Variants in PCCA observed in about 807,000 individuals in gnomAD.
PCCA encodes the protein propionyl-CoA carboxylase subunit alpha.
A neutral mutation model predicts 101.3 loss-of-function variants in PCCA; 74 were observed. The ratio of observed to expected loss-of-function variants is 0.73; its 90% CI spans 0.61 to 0.89. The LOEUF (loss-of-function observed/expected upper bound fraction) is 0.89. Among genes scored for constraint, PCCA ranks in the 40% least tolerant of loss-of-function variants. The pLI is 0.00. For synonymous variants in PCCA, 294 were observed against 313.6 expected, an observed-to-expected ratio of 0.94 and a Z score of 0.66; for missense variants, 891 against 907.0, an observed-to-expected ratio of 0.98 and a Z score of 0.23.
At chr13:100,173,245 G>A (rs1448506389) in intron 6 of PCCA, among the ~76,000 whole-genome samples, 1 of 152,206 alleles carries the variant, frequency 6.6e-6, no homozygotes, top group Non-Finnish European at 1.5e-5. Flanking sequence ...GGTGTCTACA[G>A]TGTGCTGGTT....
intron 8 of PCCA, among the ~76,000 whole-genome samples, chr13:100,247,634 C>T (rs979462305): frequency 6.6e-6 from 1 of 151,812 alleles, no homozygotes; most frequent in African/African-American, 2.4e-5. Flanking sequence ...CTGCCTCAGC[C>T]TCCCGAGTAG....
chr13:100,112,044 G>A lies in PCCA; in HGVS notation c.283G>A (p.Asp95Asn), dbSNP rs1555345639. 1 of 1,609,930 alleles carries A rather than the reference G, an allele frequency of 6.2e-7. No individual in the cohort carries two copies. Among genetic ancestry groups the A allele is most frequent in the East Asian group, 2.2e-5 (1 of 44,784 alleles). The change falls in exon 4 of 24, where the codon GAT becomes AAT. Residue 95 changes from aspartate (D) to asparagine (N), a missense_variant. Transcript: ENST00000376285. ...MGIKTVAIHSDVDASSVHVKM... is the reference protein window; with the variant it reads ...MGIKTVAIHSNVDASSVHVKM... ...CATTAAGACAGTTGCCATCCACAGT[G>A]ATGTTGATGCTAGTTCTGTAAGTAT... is the stretch of plus-strand genomic sequence containing the variant.
chr13:100,147,860 A>T (rs549285099), intron 4 of PCCA, among the ~76,000 whole-genome samples: 1 of 152,284 alleles, frequency 6.6e-6, no homozygotes, highest in African/African-American at 2.4e-5. Context: ...GGAAATTGTG[A>T]TGGATCTATA....
At chr13:100,521,322 G>C (rs1363607010) in intron 22 of PCCA, among the ~76,000 whole-genome samples, 1 of 152,208 alleles carries the variant, frequency 6.6e-6, no homozygotes, top group African/African-American at 2.4e-5. Flanking sequence ...CTGAAGTCCC[G>C]AGCCGGCAGC....
chr13:100,440,673 C>T (rs1566309672), intron 20 of PCCA, among the ~76,000 whole-genome samples: 1 of 150,940 alleles, frequency 6.6e-6, no homozygotes, highest in Non-Finnish European at 1.5e-5. Flanking sequence ...TAAAAATGTT[C>T]CCCCCACCCC....
intron 18 of PCCA, among the ~76,000 whole-genome samples, chr13:100,354,327 AAGAG>A (rs369368690): frequency 0.23 from 28,147 of 121,234 alleles, 4,061 homozygotes; most frequent in East Asian, 0.56. Context: ...GAAAGAAAGA[AAGAG>A]AGGGGGCGGT....
chr13:100,187,031 A>G (rs2057339174), intron 6 of PCCA, among the ~76,000 whole-genome samples: 1 of 152,212 alleles, frequency 6.6e-6, no homozygotes, highest in Admixed American at 6.5e-5. Flanking sequence ...TTAGATTTGT[A>G]AAATTCCTAG....
chr13:100,317,086 G>A (rs1371445787), intron 16 of PCCA, among the ~76,000 whole-genome samples: 1 of 152,118 alleles, frequency 6.6e-6, no homozygotes, highest in Non-Finnish European at 1.5e-5. Flanking sequence ...CAAAAATCCT[G>A]AGACTGCCTG....
intron 20 of PCCA, among the ~76,000 whole-genome samples, chr13:100,432,759 G>T (rs1012762482): frequency 6.6e-6 from 1 of 152,146 alleles, no homozygotes; most frequent in African/African-American, 2.4e-5. Context: ...CTCCACTAGG[G>T]TGCAAGCAGT....
chr13:100,404,755 C>G (rs1296346418), intron 19 of PCCA, among the ~76,000 whole-genome samples: 2 of 152,160 alleles, frequency 1.3e-5, no homozygotes, highest in African/African-American at 4.8e-5. Context: ...GAATCATCCA[C>G]TCTTACCCAC....
chr13:100,300,100 T>C (rs2152681681), intron 12 of PCCA, among the ~76,000 whole-genome samples: 1 of 152,384 alleles, frequency 6.6e-6, no homozygotes, highest in South Asian at 2.1e-4. Flanking sequence ...TGCTAGTTAC[T>C]TTCTTATTGT....
At chr13:100,412,885 T>C (rs1023244153) in intron 19 of PCCA, among the ~76,000 whole-genome samples, 1 of 152,188 alleles carries the variant, frequency 6.6e-6, no homozygotes, top group African/African-American at 2.4e-5. Context: ...AGAATCCTGT[T>C]AATCAATTTG....
rs568340957 is a variant in PCCA, at chr13:100,222,391, A to G, written c.600+12928A>G. Among the ~76,000 whole-genome samples, 4 of 152,212 alleles carry G rather than the reference A, an allele frequency of 2.6e-5. No individual in the cohort carries two copies. The East Asian group carries it at 7.7e-4, about 29-fold the overall frequency. On this transcript the variant is annotated intron_variant, in intron 7 of 23. Coordinates refer to ENST00000376285, the MANE Select transcript of PCCA (RefSeq NM_000282.4). The stretch of plus-strand genomic sequence containing the variant: ...CGTGCCTGACTGGAAATAATTTTTA[A>G]TACTAGTTTTATTTTTAGTTTGTTT...
In PCCA at chr13:100,091,930, CT is replaced by C. The variant is rs201772415; in HGVS notation, c.105+2714del. Among the ~76,000 whole-genome samples, 1,360 of 151,070 alleles carry C rather than the reference CT, an allele frequency of 9.0e-3. 23 individuals carry two copies. Among genetic ancestry groups the C allele is most frequent in the African/African-American group, 0.024 (970 of 41,222 alleles). On this transcript the variant is annotated intron_variant, in intron 1 of 23. Transcript: ENST00000376285. ...CCTTGCATGATTTTTCTTTGCTTTT[CT>C]TTTTTTTTGAGATGGGGTCTCGCTC...
intron 6 of PCCA, chr13:100,161,277 C>T (rs1566609046): frequency 6.6e-6 from 1 of 152,072 alleles, no homozygotes; most frequent in Non-Finnish European, 1.5e-5. Context: ...TCCCCCGGCC[C>T]CCAGAAATTT....
intron 6 of PCCA, among the ~76,000 whole-genome samples, chr13:100,206,840 C>T (rs553546120): frequency 1.3e-5 from 2 of 152,234 alleles, no homozygotes; most frequent in African/African-American, 2.4e-5. Context: ...GTGAGAGATG[C>T]CCTTCCTGTA....
chr13:100,414,538 A>G (rs1262853254), intron 19 of PCCA, among the ~76,000 whole-genome samples: 2 of 152,244 alleles, frequency 1.3e-5, no homozygotes, highest in African/African-American at 2.4e-5. Context: ...CCTAGAAATC[A>G]GCACTGAAGC....
Position 100,221,905 on chromosome 13 carries a change from T to C in PCCA, c.600+12442T>C, listed in dbSNP as rs2059838013. On this transcript the variant is annotated intron_variant, in intron 7 of 23. Transcript: ENST00000376285. ...GACATGAACCACCATGTCCAGCTAATTTTGCATTTTTAGTAGAGACAGGGT... is the reference window on the plus strand; with the variant it reads ...GACATGAACCACCATGTCCAGCTAACTTTGCATTTTTAGTAGAGACAGGGT... Among the ~76,000 whole-genome samples, 10 of 151,892 alleles carry C rather than the reference T, an allele frequency of 6.6e-5. No homozygotes were observed. In the South Asian group the frequency reaches 2.1e-3, roughly 32 times the overall value.
chr13:100,236,960 T>C (rs1275559361), intron 8 of PCCA: 1 of 152,190 alleles, frequency 6.6e-6, no homozygotes, highest in African/African-American at 2.4e-5. Flanking sequence ...AGGCAATGCT[T>C]GTAGGGATCC....
Sources: gnomAD v4.1 joint callset for allele counts (sites outside exome capture counted in the v4.1 genomes callset) on GRCh38, gnomAD v4.1.1 for gene constraint, MANE v1.5 for transcripts, NCBI Gene and HGNC (gene_info 2026-07-23, HGNC 2026-07-21) for gene names.